The following TMOD1 variants were observed in gnomAD, a reference collection of about 807,000 sequenced individuals.
The protein encoded by TMOD1 is tropomodulin-1.
A neutral mutation model predicts 40.6 loss-of-function variants in TMOD1; 17 were observed. That is an observed-to-expected ratio of 0.42 (90% CI 0.29 to 0.63). The LOEUF is 0.63. Among genes scored for constraint, TMOD1 ranks in the 20% least tolerant of loss-of-function variants. The pLI is 0.22. For missense variants in TMOD1, 391 were observed against 447.6 expected (o/e 0.87, Z 1.14); for synonymous variants, 181 against 175.0 (o/e 1.03, Z -0.27).
intron 8 of TMOD1, among the ~76,000 whole-genome samples, chr9:97,589,371 C>G (rs1481610820): frequency 6.7e-6 from 1 of 148,838 alleles, no homozygotes; most frequent in Non-Finnish European, 1.5e-5. Context: ...ACCTCTGCCT[C>G]CCGGGTTCTC....
rs974518542 is a variant in TMOD1 at position 97,600,430 on chromosome 9, C to T, written c.*732C>T. 3.0e-6 allele frequency: 3 copies of T among 985,570 alleles called. No homozygotes were observed. The African/African-American group carries it at 5.2e-5, about 17-fold the overall frequency. 61.1% of individuals were successfully genotyped at this position (985,570 alleles called of 1,614,324 possible). On this transcript the variant is annotated 3_prime_UTR_variant, in exon 10 of 10. Transcript: ENST00000259365. ...TTTAAGAACATTTGGGATTTATGTACAATTTAATACTGGAGTTAGAACTTT... is the reference window on the plus strand; with the variant it reads ...TTTAAGAACATTTGGGATTTATGTATAATTTAATACTGGAGTTAGAACTTT...
chr9:97,584,418 C>T (rs1825823074), intron 8 of TMOD1, among the ~76,000 whole-genome samples: 1 of 150,664 alleles, frequency 6.6e-6, no homozygotes, highest in African/African-American at 2.4e-5. Context: ...GCTTTACTTC[C>T]CAGTATGTGG....
intron 9 of TMOD1, among the ~76,000 whole-genome samples, chr9:97,594,331 T>C (rs1826060778): frequency 1.3e-5 from 2 of 152,266 alleles, no homozygotes; most frequent in African/African-American, 4.8e-5. Flanking sequence ...GTTATGGCAG[T>C]GCCTCAGCTT....
At chr9:97,575,656 A>G (rs1830923550) in intron 8 of TMOD1, among the ~76,000 whole-genome samples, 1 of 152,184 alleles carries the variant, frequency 6.6e-6, no homozygotes, top group African/African-American at 2.4e-5. Context: ...TCATCTGGGA[A>G]TGGCCAGAAT....
At chr9:97,599,255 G>A (rs1266385193) in intron 9 of TMOD1, among the ~76,000 whole-genome samples, 3 of 152,270 alleles carry the variant, frequency 2.0e-5, no homozygotes, top group Non-Finnish European at 2.9e-5. Flanking sequence ...TGGGGGAAAT[G>A]TTTCCACCTG....
intron 3 of TMOD1, among the ~76,000 whole-genome samples, chr9:97,550,992 TTATATATA>T (rs1172274297): frequency 1.0e-5 from 1 of 96,382 alleles, no homozygotes; most frequent in African/African-American, 4.8e-5. Context: ...TCTAAGAATT[TTATATATA>T]TATATATATA....
chr9:97,583,979 G>T (rs1387775834), intron 8 of TMOD1, among the ~76,000 whole-genome samples: 2 of 151,976 alleles, frequency 1.3e-5, no homozygotes, highest in African/African-American at 4.8e-5. Context: ...TTTTTTGAAG[G>T]GTTTTTTTTG....
At chr9:97,559,794 A>AAAAAAAAATAT (rs1390791825) in intron 4 of TMOD1, among the ~76,000 whole-genome samples, 2 of 23,178 alleles carry the variant, frequency 8.6e-5, no homozygotes, top group African/African-American at 1.5e-4. Flanking sequence ...AAAAAAAAAA[A>AAAAAAAAATAT]ATATATATAT....
chr9:97,563,920 G>T, intron 5 of TMOD1, 118 bp from the exon 6 acceptor site: 2 of 1,263,284 alleles, frequency 1.6e-6, no homozygotes, highest in Non-Finnish European at 2.2e-6. Context: ...CAGCCCCTGT[G>T]ATGTGCAGCC....
chr9:97,527,515 C>T (rs973742866), intron 2 of TMOD1, among the ~76,000 whole-genome samples: 3 of 152,112 alleles, frequency 2.0e-5, no homozygotes, highest in East Asian at 1.9e-4. Context: ...AATTCCATGC[C>T]GAGTGAGGGC....
At chr9:97,575,406 G>A (rs141177063) in intron 8 of TMOD1, among the ~76,000 whole-genome samples, 4 of 152,332 alleles carry the variant, frequency 2.6e-5, no homozygotes, top group Non-Finnish European at 4.4e-5. Context: ...AGGGTCCGCG[G>A]CTTCATTCTT....
At chr9:97,565,139 C>T (rs987887977) in intron 6 of TMOD1, among the ~76,000 whole-genome samples, 9 of 152,236 alleles carry the variant, frequency 5.9e-5, no homozygotes, top group Admixed American at 5.9e-4. Flanking sequence ...AATGCTGCCT[C>T]AGGGCCACAT....
chr9:97,598,519 T>A (rs1190242819), intron 9 of TMOD1, among the ~76,000 whole-genome samples: 2 of 152,202 alleles, frequency 1.3e-5, no homozygotes, highest in East Asian at 3.9e-4. Flanking sequence ...GCACAGCTAC[T>A]ATGGAGATGC....
At chr9:97,577,128 C>A (rs1338666509) in intron 8 of TMOD1, among the ~76,000 whole-genome samples, 1 of 149,194 alleles carries the variant, frequency 6.7e-6, no homozygotes, top group East Asian at 1.9e-4. Flanking sequence ...ACCATCCTGT[C>A]CCTGGCTCTG....
At chr9:97,573,448 TTG>T (rs1445187241) in intron 8 of TMOD1, among the ~76,000 whole-genome samples, 5 of 152,230 alleles carry the variant, frequency 3.3e-5, no homozygotes, top group Admixed American at 1.3e-4. Context: ...ATTGGATGAT[TTG>T]TGTCTGGCTT....
In TMOD1 at chr9:97,582,477, A is replaced by T. The variant is rs575874939; in HGVS notation, c.871-8814A>T. Among the ~76,000 whole-genome samples the T allele has an allele frequency of 7.8e-3, 1,141 of 146,936 alleles. 5 individuals are homozygous for T. Among genetic ancestry groups the T allele is most frequent in the Non-Finnish European group, 0.013 (844 of 66,570 alleles). On this transcript the variant is annotated intron_variant, in intron 8 of 9. Coordinates refer to ENST00000259365, the MANE Select transcript of TMOD1 (RefSeq NM_003275.4). ...CTTTTGGCTTAGGATTGACTTGGCG[A>T]TGCAGGCTCTTTTTTGGTTCCATAT... is the stretch of plus-strand genomic sequence containing the variant.
intron 2 of TMOD1, among the ~76,000 whole-genome samples, chr9:97,524,773 G>A (rs149573671): frequency 4.7e-4 from 72 of 152,258 alleles, no homozygotes; most frequent in African/African-American, 1.5e-3. Flanking sequence ...GCTCAAGGCA[G>A]TCAGGCAGGA....
chr9:97,515,212 A>AC (rs1554753338), intron 1 of TMOD1, among the ~76,000 whole-genome samples: 2 of 151,490 alleles, frequency 1.3e-5, no homozygotes, highest in African/African-American at 4.9e-5. Context: ...AAAAAAAAAA[A>AC]AACAAACCAC....
Position 97,546,243 on chromosome 9 carries a change from G to A in TMOD1, c.179G>A (p.Gly60Asp), listed in dbSNP as rs774560196. 4 of 1,613,986 alleles carry A rather than the reference G, an allele frequency of 2.5e-6. No homozygotes were observed. Among genetic ancestry groups the A allele is most frequent in the Non-Finnish European group, 3.4e-6 (4 of 1,179,990 alleles). Residue 60 changes from glycine to aspartate, a missense_variant, in exon 3 of 10, where the codon GGC becomes GAC. Transcript: ENST00000259365. Reference protein sequence around the residue: ...QKDQTTKAPTGPFKREELLDH... With the variant: ...QKDQTTKAPTDPFKREELLDH... ...GATCAGACCACCAAGGCGCCCACGG[G>A]CCCCTTTAAAAGAGAGGAGCTCTTG...
Sources: allele counts gnomAD v4.1 joint callset (sites outside exome capture counted in the v4.1 genomes callset), GRCh38; gene constraint gnomAD v4.1.1; transcripts MANE v1.5; gene names NCBI Gene and HGNC (gene_info 2026-07-23, HGNC 2026-07-21).